The following C16orf92 variants were observed in gnomAD, a reference collection of about 807,000 sequenced individuals.
C16orf92 encodes the protein fertilization-influencing membrane protein.
In C16orf92, 14 loss-of-function variants were observed where a neutral mutation model predicts 13.7. The ratio of observed to expected loss-of-function variants is 1.02; its 90% CI spans 0.67 to 1.60. The LOEUF (loss-of-function observed/expected upper bound fraction) is 1.60. C16orf92 is among the 40% of genes most tolerant of loss of function. The pLI, the probability that C16orf92 is intolerant of heterozygous loss-of-function variation, is 0.00. For missense variants in C16orf92, 116 were observed against 139.0 expected (o/e 0.83, Z 0.83); for synonymous variants, 50 against 57.4 (o/e 0.87, Z 0.58).
At position 30,024,199 on chromosome 16, in the gene C16orf92, C is replaced by A; in HGVS notation, c.312-7C>A. The A allele has an allele frequency of 6.2e-7, 1 of 1,614,094 alleles. No individual in the cohort carries two copies. Among genetic ancestry groups the A allele is most frequent in the Non-Finnish European group, 8.5e-7 (1 of 1,179,958 alleles). ...GACCTCTCCCCTCTGATCTCCATGCCCCACAGAAACTTCCAGAAAGGGGCC... is the reference window on the plus strand; with the variant it reads ...GACCTCTCCCCTCTGATCTCCATGCACCACAGAAACTTCCAGAAAGGGGCC... On this transcript the variant is annotated splice_polypyrimidine_tract_variant and splice_region_variant and intron_variant, in intron 3 of 3. Transcript: ENST00000681219.
chr16:30,026,946 A>G (rs2071170075), downstream of C16orf92: 1 of 976,080 alleles, frequency 1.0e-6, no homozygotes, highest in African/African-American at 1.6e-5. Context: ...ACAGGAGCGG[A>G]GTCTTGGGTA....
downstream of C16orf92, chr16:30,025,748 C>T: frequency 6.2e-7 from 1 of 1,614,152 alleles, no homozygotes; most frequent in Non-Finnish European, 8.5e-7. The surrounding 1 kb of genome is among the most constrained non-coding windows in gnomAD (Gnocchi z 4.1). Context: ...CTTGCCAAGG[C>T]AGACGAAGGG....
downstream of C16orf92, chr16:30,025,688 TC>T (rs768851893): frequency 6.3e-6 from 10 of 1,599,198 alleles, no homozygotes; most frequent in Non-Finnish European, 8.6e-6. This position sits in a 1 kb window ranked among gnomAD's most constrained non-coding sequence, Gnocchi z 4.1. Flanking sequence ...TCCTGTGACC[TC>T]CCCATTGGGC....
At chr16:30,026,631 A>G, downstream of C16orf92, 1 of 1,612,406 alleles carries the variant, frequency 6.2e-7, no homozygotes, top group South Asian at 1.1e-5. Flanking sequence ...GAAGCACACC[A>G]GCACCATGGC....
downstream of C16orf92, chr16:30,025,592 G>A (rs751371965): frequency 2.8e-5 from 41 of 1,486,660 alleles, no homozygotes; most frequent in Non-Finnish European, 3.7e-5. This position sits in a 1 kb window ranked among gnomAD's most constrained non-coding sequence, Gnocchi z 4.1. Context: ...CAGGACACAA[G>A]CACCAGGTGC....
At position 30,024,457 on chromosome 16, in the gene C16orf92, G is replaced by A. The variant is rs1387698870; in HGVS notation, c.*230G>A. ...TTCACGCAGATCGTCTTTTATTAGC[G>A]GTCTGTAAAGCACCTCCCAGGGTCC... On this transcript the variant is annotated 3_prime_UTR_variant, in exon 4 of 4. Coordinates refer to ENST00000681219, the MANE Select transcript of C16orf92 (RefSeq NM_001109659.2). The A allele has an allele frequency of 2.6e-5, 16 of 624,118 alleles. No homozygotes were observed. The highest frequency in any genetic ancestry group is 2.5e-4 in the East Asian group (9 of 35,962). The allele number at this position is 624,118 out of a possible 1,614,324, so 38.7% of individuals were successfully genotyped here. A position where few individuals can be genotyped will look rare whatever the true frequency, so the allele number is the denominator to read the frequency against.
chr16:30,023,332 A>G lies in C16orf92; in HGVS notation c.-9A>G. 6.3e-7 allele frequency: 1 copy of G among 1,596,890 alleles called. No homozygotes were observed. Among genetic ancestry groups the G allele is most frequent in the South Asian group, 1.1e-5 (1 of 88,210 alleles). On this transcript the variant is annotated 5_prime_UTR_variant, in exon 1 of 4. Coordinates refer to ENST00000681219, the MANE Select transcript of C16orf92 (RefSeq NM_001109659.2). ...GACATCACAGAGCCCCCACCTCATG[A>G]TAGGAGTCATGAGGCTGTGGCCATG... is the stretch of plus-strand genomic sequence containing the variant.
downstream of C16orf92, chr16:30,025,184 C>T (rs1406532950): frequency 1.4e-6 from 2 of 1,451,324 alleles, no homozygotes; most frequent in Admixed American, 2.9e-5. The surrounding 1 kb of genome is among the most constrained non-coding windows in gnomAD (Gnocchi z 4.1). Flanking sequence ...CCCCCGGCCT[C>T]AGTCCTGGGC....
chr16:30,026,675 CA>C (rs1160272447), downstream of C16orf92: 1 of 1,613,920 alleles, frequency 6.2e-7, no homozygotes, highest in South Asian at 1.1e-5. Flanking sequence ...ACTCCTTGTG[CA>C]GGTAGCCACG....
Position 30,023,825 on chromosome 16 carries a change from G to C in C16orf92, c.163G>C (p.Ala55Pro). 6.2e-7 allele frequency: 1 copy of C among 1,614,186 alleles called. No individual in the cohort carries two copies. The highest frequency in any genetic ancestry group is 8.5e-7 in the Non-Finnish European group (1 of 1,180,018). Residue 55 changes from alanine (A) to proline (P), a missense_variant, in exon 2 of 4, where the codon GCC becomes CCC. By Grantham distance (27) the Ala-to-Pro change is conservative. Transcript: ENST00000681219. ...CTTCGATTATCCGGACTCAGACCAA[G>C]CCAGGCTGCTGGCTGTGGCCCAGTT... ...DFFDYPDSDQARLLAVAQFIG... is the reference protein window; with the variant it reads ...DFFDYPDSDQPRLLAVAQFIG...
At chr16:30,025,288 C>A (rs767767903), downstream of C16orf92, 2 of 1,549,804 alleles carry the variant, frequency 1.3e-6, no homozygotes, top group Non-Finnish European at 1.7e-6. The surrounding 1 kb of genome is among the most constrained non-coding windows in gnomAD (Gnocchi z 4.1). Context: ...GGGCCAGGAG[C>A]AGCGCAGCGC....
chr16:30,024,264 C>T lies in C16orf92; in HGVS notation c.*37C>T. On this transcript the variant is annotated 3_prime_UTR_variant, in exon 4 of 4. Transcript: ENST00000681219. ...AGGGCTCTGGACTCAACCTGAGCAC[C>T]CACACCCACCTCCTCTCCTGTTGAT... The T allele has an allele frequency of 6.2e-7, 1 of 1,605,582 alleles. No homozygotes were observed. The highest frequency in any genetic ancestry group is 8.5e-7 in the Non-Finnish European group (1 of 1,172,700).
In C16orf92 at chr16:30,023,995, GCAGGTTCC is replaced by G; in HGVS notation, c.224-3_228del. ...GGGAGTTAAGGGTCCTGTTTGTCTA[GCAGGTTCC>G]AGCCCCGGGCTCTTCCATCACATCC... On this transcript the variant is annotated splice_acceptor_variant and splice_polypyrimidine_tract_variant and coding_sequence_variant and intron_variant, in exon 3 of 4. Transcript: ENST00000681219. LOFTEE classifies it high-confidence loss of function. 3 of 1,612,096 alleles carry G rather than the reference GCAGGTTCC, an allele frequency of 1.9e-6. No individual in the cohort carries two copies. Among genetic ancestry groups the G allele is most frequent in the Non-Finnish European group, 2.5e-6 (3 of 1,178,158 alleles).
At position 30,024,272 on chromosome 16, in the gene C16orf92, A is replaced by C. The variant is rs1042624344; in HGVS notation, c.*45A>C. On this transcript the variant is annotated 3_prime_UTR_variant, in exon 4 of 4. Coordinates refer to ENST00000681219, the MANE Select transcript of C16orf92 (RefSeq NM_001109659.2). ...GGACTCAACCTGAGCACCCACACCC[A>C]CCTCCTCTCCTGTTGATGAGCAAAA... is the stretch of plus-strand genomic sequence containing the variant. The C allele has an allele frequency of 6.3e-7, 1 of 1,599,102 alleles. No homozygotes were observed. Among genetic ancestry groups the C allele is most frequent in the Admixed American group, 1.7e-5 (1 of 59,440 alleles).
rs1390058855 is a variant in C16orf92 at position 30,023,844 on chromosome 16, C to T, written c.182C>T (p.Ala61Val). 1 of 1,613,946 alleles carries T rather than the reference C, an allele frequency of 6.2e-7. No homozygotes were observed. ...GACCAAGCCAGGCTGCTGGCTGTGG[C>T]CCAGTTTATTGGAGAGAAACCCATC... ...DSDQARLLAV[A>V]QFIGEKPIVF... Residue 61 changes from alanine to valine, a missense_variant, in exon 2 of 4, where the codon GCC becomes GTC. Ala to Val is a moderately conservative substitution (Grantham distance 64). Transcript: ENST00000681219.
chr16:30,024,831 G>A (rs1426990887), downstream of C16orf92: 1 of 252,468 alleles, frequency 4.0e-6, no homozygotes. Flanking sequence ...GGCAGCATAG[G>A]GGCTGGGATG....
chr16:30,026,243 A>G (rs2071127594), downstream of C16orf92, among the ~76,000 whole-genome samples: 1 of 150,898 alleles, frequency 6.6e-6, no homozygotes, highest in Non-Finnish European at 1.5e-5. Context: ...TTGGAAAGAA[A>G]AAAAAGAGAA....
downstream of C16orf92, chr16:30,024,937 G>A (rs1054224412): frequency 1.1e-4 from 48 of 450,620 alleles, no homozygotes; most frequent in African/African-American, 9.9e-4. Context: ...TCAGTGGGTG[G>A]GAGGCGGTGC....
At position 30,023,234 on chromosome 16, in the gene C16orf92, A is replaced by G; in HGVS notation, c.-107A>G. ...TCTCCTCTTCTGATGAGAGTGAGGG[A>G]TGGGGGAGGGGTCCCAGCTCCTAGC... is the stretch of plus-strand genomic sequence containing the variant. On this transcript the variant is annotated 5_prime_UTR_variant, in exon 1 of 4. An upstream start codon of the reference 5' UTR is lost. Transcript: ENST00000681219. 1.1e-6 allele frequency: 1 copy of G among 943,720 alleles called. No homozygotes were observed. The highest frequency in any genetic ancestry group is 2.7e-5 in the East Asian group (1 of 37,102). 58.5% of individuals were successfully genotyped at this position (943,720 alleles called of 1,614,324 possible). A position where few individuals can be genotyped will look rare whatever the true frequency, so the allele number is the denominator to read the frequency against.
Sources: gnomAD v4.1 joint callset for allele counts (sites outside exome capture counted in the v4.1 genomes callset) on GRCh38, gnomAD v4.1.1 for gene constraint, Gnocchi (gnomAD v3.1) non-coding constraint, MANE v1.5 for transcripts, NCBI Gene and HGNC (gene_info 2026-07-23, HGNC 2026-07-21) for gene names.